The following NLN variants were observed in gnomAD, a reference collection of about 807,000 sequenced individuals.
NLN encodes the protein neurolysin.
Under a neutral mutation model 79.9 loss-of-function variants are expected in NLN, and 64 were observed. The ratio of observed to expected loss-of-function variants is 0.80; its 90% CI spans 0.65 to 0.99. NLN has a LOEUF of 0.99. Among genes scored for constraint, NLN ranks in the 50% least tolerant of loss-of-function variants. NLN has a pLI of 0.00. For missense variants in NLN, 835 were observed against 858.7 expected (o/e 0.97, Z 0.34); for synonymous variants, 267 against 296.6 (o/e 0.90, Z 1.02).
chr5:65,736,990 A>G (rs116435883), intron 1 of NLN, among the ~76,000 whole-genome samples: 2,445 of 152,206 alleles, frequency 0.016, 73 homozygotes, highest in African/African-American at 0.056. Flanking sequence ...CTATGGTCCC[A>G]GCTACTCGGA....
At chr5:65,812,543 C>T in intron 12 of NLN, 152 bp downstream of exon 12, 1 of 599,634 alleles carries the variant, frequency 1.7e-6, no homozygotes, top group East Asian at 2.8e-5. Flanking sequence ...AATCATCATA[C>T]ATCATTAAGT....
chr5:65,779,508 A>G (rs911902139), intron 4 of NLN, among the ~76,000 whole-genome samples: 5 of 152,236 alleles, frequency 3.3e-5, no homozygotes, highest in African/African-American at 4.8e-5. Flanking sequence ...AAGCAACAAT[A>G]GAATGAATTA....
intron 1 of NLN, among the ~76,000 whole-genome samples, chr5:65,724,261 A>G (rs10940047): frequency 0.29 from 44,604 of 151,878 alleles, 7,713 homozygotes; most frequent in East Asian, 0.54. Flanking sequence ...ACTGCCCATT[A>G]CTTCCTCCCC....
intron 1 of NLN, among the ~76,000 whole-genome samples, chr5:65,725,520 TC>T (rs966341381): frequency 4.6e-5 from 7 of 152,232 alleles, no homozygotes; most frequent in African/African-American, 1.7e-4. Context: ...ATACAGTTCT[TC>T]CTAATGTTGA....
At chr5:65,744,366 A>G (rs922380221) in intron 1 of NLN, among the ~76,000 whole-genome samples, 4 of 152,192 alleles carry the variant, frequency 2.6e-5, no homozygotes, top group Non-Finnish European at 5.9e-5. Flanking sequence ...CTGAAAGGTA[A>G]TAACTTTGTC....
chr5:65,789,618 A>G (rs1760012493), intron 8 of NLN, among the ~76,000 whole-genome samples: 1 of 152,162 alleles, frequency 6.6e-6, no homozygotes, highest in South Asian at 2.1e-4. Flanking sequence ...CTCTACTAAA[A>G]ATACAAAAAT....
At chr5:65,776,953 G>A (rs560403333) in intron 3 of NLN, among the ~76,000 whole-genome samples, 161 of 152,196 alleles carry the variant, frequency 1.1e-3, no homozygotes, top group East Asian at 4.4e-3. Flanking sequence ...AGCTCTCCCC[G>A]TTTGGTATAT....
chr5:65,798,377 T>C (rs1324701311), intron 9 of NLN, among the ~76,000 whole-genome samples: 2 of 152,254 alleles, frequency 1.3e-5, no homozygotes, highest in Non-Finnish European at 1.5e-5. Flanking sequence ...AATACTATTA[T>C]TCATGGTCTG....
At chr5:65,722,887 C>T (rs1758350617) in intron 1 of NLN, 1 of 154,800 alleles carries the variant, frequency 6.5e-6, no homozygotes, top group South Asian at 1.9e-4. Context: ...TGTTTCCGTC[C>T]ATGCTCTCTG....
chr5:65,762,399 C>T (rs1759358349), intron 2 of NLN, among the ~76,000 whole-genome samples: 1 of 152,118 alleles, frequency 6.6e-6, no homozygotes, highest in African/African-American at 2.4e-5. Context: ...AAATTACACC[C>T]TCAGGCTAGA....
chr5:65,803,880 C>T (rs1197284263), intron 9 of NLN, among the ~76,000 whole-genome samples: 2 of 152,234 alleles, frequency 1.3e-5, no homozygotes, highest in African/African-American at 2.4e-5. Context: ...ACGCTTCCCC[C>T]ACTGCAGCCG....
At chr5:65,765,921 TTAAAA>T (rs1345640786) in intron 3 of NLN, among the ~76,000 whole-genome samples, 1 of 152,226 alleles carries the variant, frequency 6.6e-6, no homozygotes, top group Non-Finnish European at 1.5e-5. Flanking sequence ...TATTTTCCAC[TTAAAA>T]TTAATACATA....
intron 1 of NLN, among the ~76,000 whole-genome samples, chr5:65,749,440 C>T (rs1007176271): frequency 3.9e-5 from 6 of 152,152 alleles, no homozygotes; most frequent in Non-Finnish European, 8.8e-5. Context: ...AATGTCAGTG[C>T]ACTTCATGGG....
At chr5:65,728,147 A>G (rs1758519581) in intron 1 of NLN, among the ~76,000 whole-genome samples, 1 of 152,230 alleles carries the variant, frequency 6.6e-6, no homozygotes, top group Non-Finnish European at 1.5e-5. Context: ...AATGACAAGC[A>G]AAAGAAAATA....
chr5:65,819,525 G>A lies in NLN; in HGVS notation c.1981-3256G>A, dbSNP rs150515548. Among the ~76,000 whole-genome samples, 750 of 152,278 alleles carry A rather than the reference G, an allele frequency of 4.9e-3. 3 individuals carry two copies. Among genetic ancestry groups the A allele is most frequent in the African/African-American group, 0.017 (716 of 41,548 alleles). ...GTCACTGTTAGAGAAGACTTGCATA[G>A]CTGCCAAAAGATACATGCTAATCTT... On this transcript the variant is annotated intron_variant, in intron 12 of 12. Coordinates refer to ENST00000380985, the MANE Select transcript of NLN (RefSeq NM_020726.5).
intron 1 of NLN, 106 bp downstream of exon 1, chr5:65,722,520 G>GC: frequency 9.4e-7 from 1 of 1,069,092 alleles, no homozygotes; most frequent in Non-Finnish European, 1.4e-6. Context: ...CCTCTCCGAC[G>GC]CTCCCGGGAC....
chr5:65,729,369 C>CTTTT (rs34963968), intron 1 of NLN, among the ~76,000 whole-genome samples: 154 of 100,856 alleles, frequency 1.5e-3, no homozygotes, highest in African/African-American at 2.3e-3. Flanking sequence ...GTTTTCTTTT[C>CTTTT]TTTTTTTTTT....
rs139069164 is a variant in NLN at position 65,775,306 on chromosome 5, T to G, written c.451-2121T>G. Reference sequence around the variant, plus strand: ...GCATTCTTCAGCTATTGAGGCTTTGTCATGAGTCTGTGTCCTGAGCTCATG... The same window carrying G: ...GCATTCTTCAGCTATTGAGGCTTTGGCATGAGTCTGTGTCCTGAGCTCATG... On this transcript the variant is annotated intron_variant, in intron 3 of 12. Transcript: ENST00000380985. Among the ~76,000 whole-genome samples the G allele has an allele frequency of 4.9e-3, 740 of 152,346 alleles. 5 individuals carry two copies. Among genetic ancestry groups the G allele is most frequent in the African/African-American group, 0.017 (707 of 41,584 alleles).
intron 1 of NLN, among the ~76,000 whole-genome samples, chr5:65,735,815 T>C (rs1758715717): frequency 6.6e-6 from 1 of 152,180 alleles, no homozygotes; most frequent in Non-Finnish European, 1.5e-5. Flanking sequence ...AACTCAATGC[T>C]TCAGCCAGAG....
Sources: gnomAD v4.1 joint callset for allele counts (sites outside exome capture counted in the v4.1 genomes callset) on GRCh38, gnomAD v4.1.1 for gene constraint, MANE v1.5 for transcripts, NCBI Gene and HGNC (gene_info 2026-07-23, HGNC 2026-07-21) for gene names.